The following ARK2N variants were observed in gnomAD, a reference collection of about 807,000 sequenced individuals.
ARK2N encodes protein ARK2N.
At chr18:46,233,772 A>T in the ARK2N span, among the ~76,000 whole-genome samples, 3 of 152,200 alleles carry the variant, frequency 2.0e-5, no homozygotes, top group Non-Finnish European at 1.5e-5. Context: ...CATCTTGGAA[A>T]CTTTATAATA....
chr18:46,245,916 G>A, the ARK2N span, among the ~76,000 whole-genome samples: 1 of 152,012 alleles, frequency 6.6e-6, no homozygotes, highest in Non-Finnish European at 1.5e-5. Context: ...TGTTGAAAAG[G>A]TCTGTAGTGG....
the ARK2N span, chr18:46,253,688 C>A: frequency 4.4e-6 from 7 of 1,604,024 alleles, no homozygotes; most frequent in Non-Finnish European, 6.0e-6. Flanking sequence ...TCCTCCCCTT[C>A]TCTCTCAGGT....
chr18:46,173,747 T>C, the ARK2N span: 1 of 152,496 alleles, frequency 6.6e-6, no homozygotes, highest in Non-Finnish European at 1.5e-5. Flanking sequence ...AAGGGAGCGC[T>C]GTCCTTTGCT....
At chr18:46,191,710 T>C in the ARK2N span, among the ~76,000 whole-genome samples, 3 of 152,188 alleles carry the variant, frequency 2.0e-5, no homozygotes, top group African/African-American at 7.2e-5. Context: ...TAGAGTTCAC[T>C]GTTGGTGTTG....
the ARK2N span, chr18:46,216,293 G>T: frequency 6.2e-7 from 1 of 1,613,942 alleles, no homozygotes; most frequent in Non-Finnish European, 8.5e-7. This position sits in a 1 kb window ranked among gnomAD's most constrained non-coding sequence, Gnocchi z 4.3. Context: ...ACAGTTGGGC[G>T]CAAGTCTAGG....
chr18:46,198,417 C>G, the ARK2N span, among the ~76,000 whole-genome samples: 1 of 150,116 alleles, frequency 6.7e-6, no homozygotes, highest in Non-Finnish European at 1.5e-5. Context: ...GTCCATAAAA[C>G]GAAGAACTAT....
the ARK2N span, among the ~76,000 whole-genome samples, chr18:46,175,192 C>G: frequency 9.8e-4 from 137 of 139,284 alleles, 1 homozygote; most frequent in South Asian, 0.031. Flanking sequence ...AACATCGGTA[C>G]GAGCCCTACC....
the ARK2N span, among the ~76,000 whole-genome samples, chr18:46,202,280 A>G: frequency 2.6e-5 from 4 of 152,054 alleles, no homozygotes; most frequent in African/African-American, 7.2e-5. Context: ...AAATGTTGCA[A>G]TTTCCTCAGG....
the ARK2N span, among the ~76,000 whole-genome samples, chr18:46,258,011 C>G: frequency 3.3e-5 from 5 of 151,674 alleles, no homozygotes; most frequent in Non-Finnish European, 5.9e-5. Context: ...ACTGCAACCT[C>G]TGCCTCCTGG....
chr18:46,198,744 G>A, the ARK2N span, among the ~76,000 whole-genome samples: 5 of 152,100 alleles, frequency 3.3e-5, no homozygotes, highest in Admixed American at 2.6e-4. Flanking sequence ...GACTACAGGC[G>A]TGCACCATCA....
chr18:46,188,366 A>G, the ARK2N span, among the ~76,000 whole-genome samples: 1 of 151,974 alleles, frequency 6.6e-6, no homozygotes, highest in Non-Finnish European at 1.5e-5. Context: ...ACACCCGGCC[A>G]ATTTTTGTTT....
the ARK2N span, among the ~76,000 whole-genome samples, chr18:46,179,706 A>G: frequency 2.0e-5 from 3 of 151,066 alleles, no homozygotes; most frequent in African/African-American, 7.3e-5. Flanking sequence ...GCTCACCGCA[A>G]CCTCCGCCTC....
chr18:46,176,547 C>T, the ARK2N span, among the ~76,000 whole-genome samples: 2 of 151,626 alleles, frequency 1.3e-5, no homozygotes, highest in Admixed American at 6.6e-5. Flanking sequence ...CTCAACCTCC[C>T]GAGCTCAAGC....
chr18:46,230,628 A>G, the ARK2N span, among the ~76,000 whole-genome samples: 1 of 152,208 alleles, frequency 6.6e-6, no homozygotes. Context: ...GTGCATATGG[A>G]ATTTTCCCTT....
the ARK2N span, among the ~76,000 whole-genome samples, chr18:46,200,770 T>G: frequency 6.6e-6 from 1 of 151,480 alleles, no homozygotes; most frequent in Admixed American, 6.6e-5. Context: ...TCCCTGCTCA[T>G]TTTGATTACA....
chr18:46,180,339 G>A, the ARK2N span, among the ~76,000 whole-genome samples: 1 of 152,154 alleles, frequency 6.6e-6, no homozygotes, highest in African/African-American at 2.4e-5. Context: ...ATGCATATGT[G>A]GTATTTATAC....
chr18:46,236,834 TTTTTTTG>T, the ARK2N span, among the ~76,000 whole-genome samples: 3 of 70,184 alleles, frequency 4.3e-5, no homozygotes, highest in Middle Eastern at 7.0e-3. Flanking sequence ...GCTTCTGTTT[TTTTTTTG>T]TTGTTGTTGT....
At chr18:46,219,495 G>T in the ARK2N span, among the ~76,000 whole-genome samples, 1 of 147,110 alleles carries the variant, frequency 6.8e-6, no homozygotes, top group African/African-American at 2.5e-5. Context: ...TTTTGAGACC[G>T]AGTCTTGCTC....
the ARK2N span, among the ~76,000 whole-genome samples, chr18:46,249,623 A>G: frequency 2.0e-5 from 3 of 152,124 alleles, no homozygotes; most frequent in African/African-American, 7.2e-5. Context: ...TTCAAAATCC[A>G]GATTACCTCA....
Sources: allele counts gnomAD v4.1 joint callset (sites outside exome capture counted in the v4.1 genomes callset), GRCh38; gene constraint gnomAD v4.1.1; non-coding constraint Gnocchi (gnomAD v3.1); transcripts MANE v1.5; gene names NCBI Gene and HGNC (gene_info 2026-07-23, HGNC 2026-07-21).